Variants in DCC observed in about 807,000 individuals in gnomAD.
DCC encodes DCC netrin 1 receptor.
DCC carries 58 observed loss-of-function variants against 172.5 expected under a neutral mutation model. The observed-to-expected ratio is 0.34, with a 90% CI of 0.27 to 0.42. The LOEUF is 0.42. DCC is among the 10% of genes least tolerant of loss of function. The probability of loss-of-function intolerance (pLI) is 1.00; values close to 1 mark genes in which losing one functional copy is unlikely to be tolerated. For synonymous variants in DCC, 709 were observed against 644.5 expected, an observed-to-expected ratio of 1.10 and a Z score of -1.52; for missense variants, 1,740 against 1,791.0, an observed-to-expected ratio of 0.97 and a Z score of 0.51.
chr18:53,353,135 G>C (rs550274955), intron 15 of DCC, among the ~76,000 whole-genome samples: 48 of 152,184 alleles, frequency 3.2e-4, no homozygotes, highest in African/African-American at 1.1e-3. Flanking sequence ...AAATTAGCCA[G>C]ATGTGGTGAC....
chr18:52,980,654 CAT>C (rs1296377865), intron 5 of DCC, among the ~76,000 whole-genome samples: 2 of 151,858 alleles, frequency 1.3e-5, no homozygotes, highest in South Asian at 4.2e-4. Context: ...AATTTTATAA[CAT>C]AAAATAAGTA....
intron 5 of DCC, among the ~76,000 whole-genome samples, chr18:52,963,226 T>A (rs997146388): frequency 5.3e-5 from 8 of 152,036 alleles, no homozygotes; most frequent in Non-Finnish European, 7.4e-5. Context: ...TTTTTAAAAA[T>A]TTTTATCTAA....
At chr18:52,830,763 A>G (rs760805825) in intron 2 of DCC, among the ~76,000 whole-genome samples, 23 of 152,124 alleles carry the variant, frequency 1.5e-4, no homozygotes, top group Non-Finnish European at 3.1e-4. Flanking sequence ...ATCTACCTTC[A>G]TAGACCTAGG....
At chr18:52,389,219 A>G (rs1985936242) in intron 1 of DCC, among the ~76,000 whole-genome samples, 3 of 152,148 alleles carry the variant, frequency 2.0e-5, no homozygotes, top group Non-Finnish European at 4.4e-5. Context: ...TTGGCAATGT[A>G]TGCAGACATT....
chr18:52,611,794 C>T (rs1034635760), intron 1 of DCC, among the ~76,000 whole-genome samples: 1 of 152,136 alleles, frequency 6.6e-6, no homozygotes, highest in Non-Finnish European at 1.5e-5. Context: ...GAATAAATTA[C>T]ATGATATACT....
chr18:53,176,991 A>G (rs1337132006), intron 8 of DCC, among the ~76,000 whole-genome samples: 14 of 152,190 alleles, frequency 9.2e-5, no homozygotes, highest in Middle Eastern at 3.4e-3. Flanking sequence ...ATGGAATACT[A>G]TGCGGCCATA....
At chr18:52,522,878 G>A (rs961952374) in intron 1 of DCC, among the ~76,000 whole-genome samples, 2 of 152,202 alleles carry the variant, frequency 1.3e-5, no homozygotes, top group Non-Finnish European at 2.9e-5. Flanking sequence ...GAGGTTGGGT[G>A]TGACAATCAT....
At chr18:53,405,228 G>A (rs939815949) in intron 19 of DCC, among the ~76,000 whole-genome samples, 3 of 151,440 alleles carry the variant, frequency 2.0e-5, no homozygotes, top group Non-Finnish European at 2.9e-5. Context: ...TTCTCAGTGC[G>A]ACCAGGTAGA....
intron 1 of DCC, among the ~76,000 whole-genome samples, chr18:52,410,872 C>A (rs192311270): frequency 6.6e-6 from 1 of 152,172 alleles, no homozygotes; most frequent in African/African-American, 2.4e-5. Context: ...CAAATACTCC[C>A]TTGGAGAAGG....
At chr18:53,027,919 G>C (rs2041978627) in intron 5 of DCC, among the ~76,000 whole-genome samples, 1 of 152,040 alleles carries the variant, frequency 6.6e-6, no homozygotes, top group Non-Finnish European at 1.5e-5. Context: ...GAGCGAGTAA[G>C]GTGGTCTTAG....
intron 9 of DCC, among the ~76,000 whole-genome samples, chr18:53,203,687 A>T (rs943669652): frequency 1.3e-5 from 2 of 152,148 alleles, no homozygotes; most frequent in South Asian, 4.1e-4. Flanking sequence ...TTCCTATGCC[A>T]TTTTTGCTAT....
intron 5 of DCC, among the ~76,000 whole-genome samples, chr18:52,940,286 A>G (rs753748752): frequency 6.6e-6 from 1 of 152,206 alleles, no homozygotes; most frequent in Non-Finnish European, 1.5e-5. Context: ...GAGGGGCATC[A>G]TGATAAGGAA....
chr18:53,262,198 A>C (rs571054405), intron 12 of DCC, among the ~76,000 whole-genome samples: 1 of 152,212 alleles, frequency 6.6e-6, no homozygotes, highest in African/African-American at 2.4e-5. Flanking sequence ...GCTTTAGCCT[A>C]CACACTACTC....
In DCC at chr18:53,446,124, A is replaced by AAAAAAAAAAAAAAAAAAAAAAC. The variant is rs369426007; in HGVS notation, c.3230-4376_3230-4375insAAAAAAAAAAAAAAAAAAAAAC. Reference sequence around the variant, plus strand: ...AAAAAAAAAAAAAAAACAAAAAAAAACACTTAAAAATTTTCCAGGGATGGT... The same window carrying AAAAAAAAAAAAAAAAAAAAAAC: ...AAAAAAAAAAAAAAAACAAAAAAAAAAAAAAAAAAAAAAAAAAAAAACCACTTAAAAATTTTCCAGGGATGGT... On this transcript the variant is annotated intron_variant, in intron 22 of 28. Coordinates refer to ENST00000442544, the MANE Select transcript of DCC (RefSeq NM_005215.4). Among the ~76,000 whole-genome samples the AAAAAAAAAAAAAAAAAAAAAAC allele has an allele frequency of 1.6e-4, 19 of 117,170 alleles. 3 individuals carry two copies. The highest frequency in any genetic ancestry group is 2.6e-4 in the Non-Finnish European group (14 of 54,396). 76.9% of individuals were successfully genotyped at this position (117,170 alleles called of 152,430 possible). A position where few individuals can be genotyped will look rare whatever the true frequency, so the allele number is the denominator to read the frequency against.
At chr18:52,353,078 A>C (rs1984197440) in intron 1 of DCC, among the ~76,000 whole-genome samples, 1 of 152,212 alleles carries the variant, frequency 6.6e-6, no homozygotes, top group African/African-American at 2.4e-5. Context: ...CTTAGCTTGA[A>C]GCATCTGTTG....
chr18:52,530,666 T>G (rs1395185870), intron 1 of DCC, among the ~76,000 whole-genome samples: 1 of 152,210 alleles, frequency 6.6e-6, no homozygotes, highest in Non-Finnish European at 1.5e-5. Flanking sequence ...GGAAAATGAA[T>G]GAAATTACCA....
chr18:52,701,718 G>GA (rs1265006195), intron 1 of DCC, among the ~76,000 whole-genome samples: 1 of 24,750 alleles, frequency 4.0e-5, no homozygotes, highest in African/African-American at 1.9e-4. Flanking sequence ...TATTATGTTG[G>GA]ACTTTGTCAC....
intron 21 of DCC, among the ~76,000 whole-genome samples, chr18:53,418,000 G>A (rs1248934415): frequency 6.6e-6 from 1 of 152,074 alleles, no homozygotes; most frequent in Non-Finnish European, 1.5e-5. Context: ...CTAGTTCTCA[G>A]GAACAAAAGG....
chr18:52,450,862 G>A (rs1182209109), intron 1 of DCC, among the ~76,000 whole-genome samples: 1 of 152,122 alleles, frequency 6.6e-6, no homozygotes, highest in African/African-American at 2.4e-5. Flanking sequence ...GGCTTAACTT[G>A]AAGAAAATTA....
Sources: gnomAD v4.1 joint callset for allele counts (sites outside exome capture counted in the v4.1 genomes callset) on GRCh38, gnomAD v4.1.1 for gene constraint, MANE v1.5 for transcripts, NCBI Gene and HGNC (gene_info 2026-07-23, HGNC 2026-07-21) for gene names.